Variants in PNPLA3 observed in about 807,000 individuals in gnomAD.
PNPLA3 encodes patatin like domain 3, 1-acylglycerol-3-phosphate O-acyltransferase, also known as 1-acylglycerol-3-phosphate O-acyltransferase PNPLA3.
In PNPLA3, 42 loss-of-function variants were observed where a neutral mutation model predicts 43.1. The observed-to-expected ratio is 0.97, with a 90% CI of 0.76 to 1.26. The LOEUF (loss-of-function observed/expected upper bound fraction) is 1.26. Ranked by LOEUF, PNPLA3 falls within the 50% of genes most tolerant of loss-of-function variation. The pLI, the probability that PNPLA3 is intolerant of heterozygous loss-of-function variation, is 0.00. For missense variants in PNPLA3, 647 were observed against 621.4 expected (o/e 1.04, Z -0.44); for synonymous variants, 272 against 253.6 (o/e 1.07, Z -0.69).
At position 43,931,870 on chromosome 22, in the gene PNPLA3, G is replaced by A. The variant is rs115850830; in HGVS notation, c.487-1008G>A. On this transcript the variant is annotated intron_variant, in intron 3 of 8. Coordinates refer to ENST00000216180, the MANE Select transcript of PNPLA3 (RefSeq NM_025225.3). The stretch of plus-strand genomic sequence containing the variant: ...TCTGCCCTAGAAATTGTGTGACTAC[G>A]ATTTTGGAAATGTTGCTGTGTAAAC... 7.7e-3 allele frequency among the ~76,000 whole-genome samples: 1,170 copies of A among 152,266 alleles called. 14 individuals are homozygous for A. Among genetic ancestry groups the A allele is most frequent in the African/African-American group, 0.027 (1,121 of 41,534 alleles).
At chr22:43,928,592 T>C (rs2049940466) in intron 2 of PNPLA3, among the ~76,000 whole-genome samples, 1 of 151,538 alleles carries the variant, frequency 6.6e-6, no homozygotes, top group Non-Finnish European at 1.5e-5. Flanking sequence ...GGAGAGGAAG[T>C]TGAAGTTCAC....
Position 43,933,123 on chromosome 22 carries a change from G to A in PNPLA3, c.696+36G>A, listed in dbSNP as rs775791633. 3.8e-6 allele frequency: 6 copies of A among 1,584,522 alleles called. No homozygotes were observed. The Admixed American group carries it at 1.0e-4, about 26-fold the overall frequency. ...GGTGAGGGGGCAGGTGTTCTGGGGT[G>A]CAGCTCTTCTTTGCCTCCCTGATTG... On this transcript the variant is annotated intron_variant, in intron 4 of 8. Coordinates refer to ENST00000216180, the MANE Select transcript of PNPLA3 (RefSeq NM_025225.3).
chr22:43,926,652 G>T (rs773357015), intron 1 of PNPLA3, among the ~76,000 whole-genome samples: 3 of 152,152 alleles, frequency 2.0e-5, no homozygotes, highest in Non-Finnish European at 2.9e-5. Flanking sequence ...ATTTCATTGA[G>T]CCCAATATAT....
rs755454679 is a variant in PNPLA3 at position 43,923,986 on chromosome 22, G to T, written c.75G>T (p.Ala25=). The change falls in exon 1 of 9, where the codon GCG becomes GCT. Residue 25 remains alanine, a synonymous_variant. Transcript: ENST00000216180. ...CGFLGFYHVG[A]TRCLSEHAPH... is the part of the protein sequence containing the mutation. ...TCCTGGGCTTCTACCACGTCGGGGC[G>T]ACCCGCTGCCTGAGCGAGCACGCCC... The T allele has an allele frequency of 6.3e-7, 1 of 1,584,942 alleles. No individual in the cohort carries two copies. The highest frequency in any genetic ancestry group is 8.5e-7 in the Non-Finnish European group (1 of 1,174,168).
intron 1 of PNPLA3, 67 bp from the exon 2 acceptor site, chr22:43,926,867 TG>T: frequency 7.2e-7 from 1 of 1,382,800 alleles, no homozygotes; most frequent in Non-Finnish European, 1.0e-6. Flanking sequence ...GTCTGGTTTC[TG>T]GCCTTGCCAA....
In PNPLA3 at chr22:43,946,266, G is replaced by A. The variant is rs532304239; in HGVS notation, c.1330G>A (p.Ala444Thr). 3 of 1,614,136 alleles carry A rather than the reference G, an allele frequency of 1.9e-6. No individual in the cohort carries two copies. Among genetic ancestry groups the A allele is most frequent in the East Asian group, 4.5e-5 (2 of 44,866 alleles). ...CTGTCCAGCAGAGACCAAAGCAGAG[G>A]CCACCCCGCGGTCCATCCTCAGGTC... ...KGCPAETKAE[A>T]TPRSILRSSL... The change falls in exon 9 of 9, where the codon GCC becomes ACC. Residue 444 changes from alanine (A) to threonine (T), a missense_variant. Ala to Thr is a moderately conservative substitution (Grantham distance 58). Coordinates refer to ENST00000216180, the MANE Select transcript of PNPLA3 (RefSeq NM_025225.3).
rs1415053385 is a variant in PNPLA3 at position 43,937,284 on chromosome 22, TCGGGGTGAGCA to T, written c.979+17_979+27del. The T allele has an allele frequency of 6.2e-7, 1 of 1,611,154 alleles. No homozygotes were observed. The highest frequency in any genetic ancestry group is 8.5e-7 in the Non-Finnish European group (1 of 1,178,440). ...CAGGCTCGCTACAGGTACCCACTCC[TCGGGGTGAGCA>T]CGGGCAGCACCTTGTTTTCTTTCTT... On this transcript the variant is annotated intron_variant, in intron 6 of 8. Transcript: ENST00000216180.
intron 7 of PNPLA3, among the ~76,000 whole-genome samples, chr22:43,941,148 CA>C (rs577344067): frequency 0.03 from 2,364 of 79,816 alleles, 47 homozygotes; most frequent in African/African-American, 0.11. Context: ...AACTCCGACT[CA>C]AAAAAAAAAA....
In PNPLA3 at chr22:43,927,027, C is replaced by T. The variant is rs763474254; in HGVS notation, c.280C>T (p.Leu94Phe). The stretch of plus-strand genomic sequence containing the variant: ...TCCATCCTTCAACTTAAGCAAGTTC[C>T]TCCGACAGGGTCTCTGCAAATGCCT... ...FHPSFNLSKF[L>F]RQGLCKCLPA... The change falls in exon 2 of 9, where the codon CTC becomes TTC. Residue 94 changes from leucine (L) to phenylalanine (F), a missense_variant. Transcript: ENST00000216180. 1 of 1,614,250 alleles carries T rather than the reference C, an allele frequency of 6.2e-7. No individual in the cohort carries two copies. Among genetic ancestry groups the T allele is most frequent in the Non-Finnish European group, 8.5e-7 (1 of 1,180,044 alleles).
intron 2 of PNPLA3, among the ~76,000 whole-genome samples, chr22:43,927,587 T>C (rs2049932889): frequency 6.6e-6 from 1 of 151,008 alleles, no homozygotes; most frequent in Admixed American, 6.6e-5. Flanking sequence ...ACACCTCCAG[T>C]GATTTGGTCC....
At chr22:43,932,721 AT>A (rs2049969282) in intron 3 of PNPLA3, among the ~76,000 whole-genome samples, 156 bp from the exon 4 acceptor site, 1 of 152,176 alleles carries the variant, frequency 6.6e-6, no homozygotes, top group South Asian at 2.1e-4. Flanking sequence ...CTCGGTAAGG[AT>A]TTGTCGCAGG....
chr22:43,931,690 A>G (rs2049962744), intron 3 of PNPLA3, among the ~76,000 whole-genome samples: 1 of 151,994 alleles, frequency 6.6e-6, no homozygotes, highest in South Asian at 2.1e-4. Context: ...TAATTTTTGT[A>G]TTTTTAGCAG....
rs187337802 is a variant in PNPLA3, at chr22:43,937,397, C to G, written c.979+125C>G. The G allele has an allele frequency of 4.3e-4, 366 of 852,110 alleles. 2 individuals carry two copies. In the African/African-American group the frequency reaches 5.7e-3, roughly 13 times the overall value. The allele number at this position is 852,110 out of a possible 1,614,324, so 52.8% of individuals were successfully genotyped here. ...AACCATGACAGGTGGTTGGGAACAT[C>G]TCCTTCCATGTGTACAGCCTGGGCT... On this transcript the variant is annotated intron_variant, in intron 6 of 8. Coordinates refer to ENST00000216180, the MANE Select transcript of PNPLA3 (RefSeq NM_025225.3).
At chr22:43,940,712 G>A (rs2050025607) in intron 7 of PNPLA3, among the ~76,000 whole-genome samples, 1 of 152,066 alleles carries the variant, frequency 6.6e-6, no homozygotes, top group African/African-American at 2.4e-5. Context: ...GGAAGGCTGG[G>A]GCAGAAGAAT....
chr22:43,936,994 G>A, intron 5 of PNPLA3, 57 bp from the exon 6 acceptor site: 1 of 1,437,556 alleles, frequency 7.0e-7, no homozygotes. Context: ...AGATGGGTGG[G>A]TAACGACCAC....
At chr22:43,940,350 G>A (rs1270094670) in intron 7 of PNPLA3, among the ~76,000 whole-genome samples, 3 of 152,162 alleles carry the variant, frequency 2.0e-5, no homozygotes, top group Non-Finnish European at 4.4e-5. Flanking sequence ...GACTCCTAGA[G>A]CTGTCAGTGG....
chr22:43,937,359 G>T, intron 6 of PNPLA3, 87 bp downstream of exon 6: 1 of 1,263,802 alleles, frequency 7.9e-7, no homozygotes, highest in Non-Finnish European at 1.1e-6. Context: ...ACATGGGAGC[G>T]ATAGGGTGAG....
Position 43,947,157 on chromosome 22 carries a change from A to G in PNPLA3, c.*775A>G. 5.5e-6 allele frequency: 1 copy of G among 181,592 alleles called. No homozygotes were observed. The highest frequency in any genetic ancestry group is 1.2e-5 in the Non-Finnish European group (1 of 85,946). 11.2% of individuals were successfully genotyped at this position (181,592 alleles called of 1,614,324 possible). ...GCAGATCACCTGAGGTCAGGAGTTC[A>G]AGACCAGTCTGGCCAACATAGCAAA... is the stretch of plus-strand genomic sequence containing the variant. On this transcript the variant is annotated 3_prime_UTR_variant, in exon 9 of 9. Coordinates refer to ENST00000216180, the MANE Select transcript of PNPLA3 (RefSeq NM_025225.3).
Position 43,924,094 on chromosome 22 carries a change from G to C in PNPLA3, c.183G>C (p.Pro61=). Residue 61 remains proline (P), a synonymous_variant, in exon 1 of 9, where the codon CCG becomes CCC. Transcript: ENST00000216180. The stretch of plus-strand genomic sequence containing the variant: ...GCGTCGGCGTCCTCTCCGGTATCCC[G>C]CTGGGTGCGTCTGGGGACGCTGCCC... ...LHCVGVLSGI[P]LEQTLQVLSD... 4 of 1,551,592 alleles carry C rather than the reference G, an allele frequency of 2.6e-6. No homozygotes were observed. Among genetic ancestry groups the C allele is most frequent in the Non-Finnish European group, 3.5e-6 (4 of 1,158,764 alleles).
Sources: gnomAD v4.1 joint callset for allele counts (sites outside exome capture counted in the v4.1 genomes callset) on GRCh38, gnomAD v4.1.1 for gene constraint, MANE v1.5 for transcripts, NCBI Gene and HGNC (gene_info 2026-07-23, HGNC 2026-07-21) for gene names.